The following ITPKC variants were observed in gnomAD, a reference collection of about 807,000 sequenced individuals.
ITPKC encodes IP3 3-kinase C.
ITPKC carries 33 observed loss-of-function variants against 67.1 expected under a neutral mutation model. The observed-to-expected ratio is 0.49, with a 90% CI of 0.37 to 0.66. The LOEUF is 0.66. Among genes scored for constraint, ITPKC ranks in the 30% least tolerant of loss-of-function variants. The pLI, the probability that ITPKC is intolerant of heterozygous loss-of-function variation, is 0.00. For missense variants in ITPKC, 820 were observed against 892.1 expected (o/e 0.92, Z 1.03); for synonymous variants, 341 against 359.8 (o/e 0.95, Z 0.59).
At chr19:40,734,312 A>G (rs1369056195) in intron 4 of ITPKC, among the ~76,000 whole-genome samples, 1 of 152,136 alleles carries the variant, frequency 6.6e-6, no homozygotes, top group Admixed American at 6.6e-5. Context: ...AGCAGGCCTC[A>G]AAGAATCACT....
rs754022594 is a variant in ITPKC, at chr19:40,733,211, G to C, written c.1521G>C (p.Arg507=). ...LVKARERPRP[R]KDMYEKMVAV... is the part of the protein sequence containing the mutation. ...AGGCACGGGAACGTCCCCGTCCCCG[G>C]AAGGACATGTATGAGAAGATGGTGG... The change falls in exon 4 of 7, where the codon CGG becomes CGC. Residue 507 remains arginine (R), a synonymous_variant. Coordinates refer to ENST00000263370, the MANE Select transcript of ITPKC (RefSeq NM_025194.3). 2.5e-6 allele frequency: 4 copies of C among 1,614,108 alleles called. No individual in the cohort carries two copies. In the African/African-American group the frequency reaches 5.3e-5, roughly 22 times the overall value.
Position 40,718,099 on chromosome 19 carries a change from AG to A in ITPKC, c.965del (p.Ser322ThrfsTer71), listed in dbSNP as rs2082200636. 6.2e-7 allele frequency: 1 copy of A among 1,613,488 alleles called. No individual in the cohort carries two copies. The highest frequency in any genetic ancestry group is 8.5e-7 in the Non-Finnish European group (1 of 1,180,012). ...TCACCTGTACTCTCACCTGAAGTGTAGCCCCCTGTGCCCTGTGCCCCGCCTC... is the reference window on the plus strand; with the variant it reads ...TCACCTGTACTCTCACCTGAAGTGTACCCCCTGTGCCCTGTGCCCCGCCTC... ...LTHLYSHLKCSPLCPVPRLII... is the reference protein window; with the variant it reads ...LTHLYSHLKCXPLCPVPRLII... On this transcript the variant is annotated frameshift_variant, in exon 1 of 7. Coordinates refer to ENST00000263370, the MANE Select transcript of ITPKC (RefSeq NM_025194.3). LOFTEE classifies it high-confidence loss of function.
At chr19:40,732,729 C>T (rs2082277536) in intron 3 of ITPKC, among the ~76,000 whole-genome samples, 1 of 152,016 alleles carries the variant, frequency 6.6e-6, no homozygotes, top group African/African-American at 2.4e-5. Flanking sequence ...CTGCACCTGG[C>T]CCTACCTTTA....
chr19:40,739,307 C>A (rs745671365), intron 6 of ITPKC, 50 bp from the exon 7 acceptor site: 162 of 1,408,144 alleles, frequency 1.2e-4, no homozygotes, highest in Non-Finnish European at 1.5e-4. Flanking sequence ...CAGGAAGGGA[C>A]CTTGGCCAGT....
intron 4 of ITPKC, among the ~76,000 whole-genome samples, chr19:40,734,994 C>G (rs1403842213): frequency 6.6e-6 from 1 of 152,172 alleles, no homozygotes; most frequent in Non-Finnish European, 1.5e-5. Context: ...ATTGACCAGG[C>G]TGGTCCTGAA....
At chr19:40,734,346 T>A (rs906572259) in intron 4 of ITPKC, among the ~76,000 whole-genome samples, 3 of 152,126 alleles carry the variant, frequency 2.0e-5, no homozygotes, top group African/African-American at 7.2e-5. Context: ...ATTTTGCAAG[T>A]ATGCAGATTG....
At chr19:40,735,263 G>A (rs957406578) in intron 4 of ITPKC, among the ~76,000 whole-genome samples, 4 of 151,936 alleles carry the variant, frequency 2.6e-5, no homozygotes, top group African/African-American at 9.7e-5. Flanking sequence ...GCACAGTGAA[G>A]CACTTGCATT....
chr19:40,718,307 CTG>C lies in ITPKC; in HGVS notation c.1155+18_1155+19del, dbSNP rs2082202997. Reference sequence around the variant, plus strand: ...AGGTCTGGGGTGAGTGGGACCCATCCTGCCCTTGAGCCACATCACGCAAAACT... The same window carrying C: ...AGGTCTGGGGTGAGTGGGACCCATCCCCCTTGAGCCACATCACGCAAAACT... On this transcript the variant is annotated intron_variant, in intron 1 of 6. Coordinates refer to ENST00000263370, the MANE Select transcript of ITPKC (RefSeq NM_025194.3). The C allele has an allele frequency of 6.7e-7, 1 of 1,499,740 alleles. No homozygotes were observed. The allele number at this position is 1,499,740 out of a possible 1,614,324, so 92.9% of individuals were successfully genotyped here.
At chr19:40,720,398 A>T (rs2082216269) in intron 1 of ITPKC, among the ~76,000 whole-genome samples, 1 of 151,134 alleles carries the variant, frequency 6.6e-6, no homozygotes, top group South Asian at 2.1e-4. Flanking sequence ...ACAGATGGGG[A>T]AGCTGAGGCA....
In ITPKC at chr19:40,717,389, C is replaced by A. The variant is rs759609988; in HGVS notation, c.254C>A (p.Pro85Gln). 7.4e-6 allele frequency: 12 copies of A among 1,613,380 alleles called. No homozygotes were observed. Among genetic ancestry groups the A allele is most frequent in the Non-Finnish European group, 2.5e-6 (3 of 1,179,960 alleles). ...GLGPAPGTES[P>Q]QAEFWTDGQT... ...GGGCCTGCGCCGGGGACAGAGAGTC[C>A]GCAGGCAGAATTCTGGACAGACGGA... is the stretch of plus-strand genomic sequence containing the variant. The change falls in exon 1 of 7, where the codon CCG becomes CAG. Residue 85 changes from proline (P) to glutamine (Q), a missense_variant. Around this residue, in one of 2 missense-constraint regions of ITPKC, gnomAD observed 481 missense variants for 470.1 expected, o/e 1.02. Transcript: ENST00000263370.
At chr19:40,738,675 C>A (rs1235815907) in intron 6 of ITPKC, among the ~76,000 whole-genome samples, 1 of 152,208 alleles carries the variant, frequency 6.6e-6, no homozygotes. Flanking sequence ...TTATGCCTCA[C>A]ACTGAACATT....
At chr19:40,725,108 G>C (rs1420044178) in intron 1 of ITPKC, among the ~76,000 whole-genome samples, 1 of 152,146 alleles carries the variant, frequency 6.6e-6, no homozygotes, top group Non-Finnish European at 1.5e-5. Flanking sequence ...TGATGACAGA[G>C]GGGAGAAATG....
At chr19:40,736,909 A>G in intron 4 of ITPKC, 77 bp from the exon 5 acceptor site, 1 of 910,936 alleles carries the variant, frequency 1.1e-6, no homozygotes, top group Non-Finnish European at 1.7e-6. Flanking sequence ...GCCTCCTGGG[A>G]GGTATTTGAG....
Position 40,717,867 on chromosome 19 carries a change from A to G in ITPKC, c.732A>G (p.Pro244=), listed in dbSNP as rs772781109. Residue 244 remains proline, a synonymous_variant, in exon 1 of 7, where the codon CCA becomes CCG. Coordinates refer to ENST00000263370, the MANE Select transcript of ITPKC (RefSeq NM_025194.3). The part of the protein sequence containing the change: ...QQDIEGPWTE[P]YTDGSQKKQD... ...ATATTGAAGGTCCCTGGACAGAGCCATATACTGATGGCTCCCAGAAAAAAC... is the reference window on the plus strand; with the variant it reads ...ATATTGAAGGTCCCTGGACAGAGCCGTATACTGATGGCTCCCAGAAAAAAC... The G allele has an allele frequency of 1.9e-6, 3 of 1,614,104 alleles. No homozygotes were observed. Among genetic ancestry groups the G allele is most frequent in the East Asian group, 2.2e-5 (1 of 44,884 alleles).
At chr19:40,730,009 C>T (rs770014808) in intron 3 of ITPKC, among the ~76,000 whole-genome samples, 1 of 151,972 alleles carries the variant, frequency 6.6e-6, no homozygotes, top group Non-Finnish European at 1.5e-5. Context: ...GGCACGATCT[C>T]GGCTCACTGC....
chr19:40,729,582 G>A (rs1408662615), intron 3 of ITPKC, among the ~76,000 whole-genome samples, 167 bp downstream of exon 3: 2 of 152,216 alleles, frequency 1.3e-5, no homozygotes, highest in South Asian at 2.1e-4. Flanking sequence ...CCTGACCAAC[G>A]TGGTGAAGCC....
chr19:40,727,056 CA>C (rs764867090), intron 2 of ITPKC, among the ~76,000 whole-genome samples: 1 of 151,886 alleles, frequency 6.6e-6, no homozygotes, highest in Non-Finnish European at 1.5e-5. Context: ...ATAAATACGC[CA>C]GGGGCGGTGG....
Position 40,729,266 on chromosome 19 carries a change from C to G in ITPKC, c.1320C>G (p.Ser440Arg), listed in dbSNP as rs370620477. ...GTTTCTGTCAGTGTGAGCAGCGCAG[C>G]CTGGAGCAGCTGATGAAAGACCCGC... Reference protein sequence around the residue: ...LKRFCQCEQRSLEQLMKDPLR... With the variant: ...LKRFCQCEQRRLEQLMKDPLR... The change falls in exon 3 of 7, where the codon AGC (serine) becomes AGG (arginine). Residue 440 changes from serine (S) to arginine (R), a missense_variant. Transcript: ENST00000263370. 6.2e-7 allele frequency: 1 copy of G among 1,614,062 alleles called. No homozygotes were observed. Among genetic ancestry groups the G allele is most frequent in the African/African-American group, 1.3e-5 (1 of 74,926 alleles).
At chr19:40,727,167 T>C (rs1228185836) in intron 2 of ITPKC, among the ~76,000 whole-genome samples, 1 of 151,812 alleles carries the variant, frequency 6.6e-6, no homozygotes, top group African/African-American at 2.4e-5. Context: ...ACCCCGTCTC[T>C]ACTAAAAATA....
Sources: allele counts gnomAD v4.1 joint callset (sites outside exome capture counted in the v4.1 genomes callset), GRCh38; gene constraint gnomAD v4.1.1; regional missense constraint gnomAD v4.1.1; transcripts MANE v1.5; gene names NCBI Gene and HGNC (gene_info 2026-07-23, HGNC 2026-07-21).